The following PCDHGA7 variants were observed in gnomAD, a reference collection of about 807,000 sequenced individuals.
PCDHGA7 encodes the protein protocadherin gamma-A7.
Under a neutral mutation model 58.3 loss-of-function variants are expected in PCDHGA7, and 44 were observed. The observed-to-expected ratio is 0.75, with a 90% CI of 0.59 to 0.97. The LOEUF (loss-of-function observed/expected upper bound fraction) is 0.97, where lower values mean the gene tolerates loss of function less well. PCDHGA7 is among the 50% of genes least tolerant of loss of function. The pLI, the probability that PCDHGA7 is intolerant of heterozygous loss-of-function variation, is 0.00. For missense variants in PCDHGA7, 1,266 were observed against 1,188.7 expected, an observed-to-expected ratio of 1.06 and a Z score of -0.96; for synonymous variants, 516 against 504.2, an observed-to-expected ratio of 1.02 and a Z score of -0.31.
intron 1 of PCDHGA7, chr5:141,414,780 G>A (rs2095787223): frequency 1.2e-6 from 2 of 1,614,232 alleles, no homozygotes; most frequent in Non-Finnish European, 1.7e-6. Context: ...TACAGATGCA[G>A]GTGACAGCCA....
chr5:141,478,116 C>T (rs145816520), intron 1 of PCDHGA7: 1 of 1,613,974 alleles, frequency 6.2e-7, no homozygotes, highest in Non-Finnish European at 8.5e-7. Flanking sequence ...GTGTCAGTAA[C>T]CGAGGACTCT....
chr5:141,429,638 A>G (rs2097231013), intron 1 of PCDHGA7, among the ~76,000 whole-genome samples: 1 of 152,238 alleles, frequency 6.6e-6, no homozygotes, highest in African/African-American at 2.4e-5. Flanking sequence ...ACAGCTACCT[A>G]TATATTTCTT....
At chr5:141,500,188 ATT>A (rs2099797463) in intron 2 of PCDHGA7, among the ~76,000 whole-genome samples, 1 of 98,146 alleles carries the variant, frequency 1.0e-5, no homozygotes, top group African/African-American at 5.1e-5. Flanking sequence ...TTTTATTTTT[ATT>A]TATTTATTTA....
chr5:141,419,980 G>T lies in PCDHGA7; in HGVS notation c.2424+34657G>T, dbSNP rs182372807. 1.1e-4 allele frequency: 180 copies of T among 1,614,080 alleles called. No individual in the cohort carries two copies. The East Asian group carries it at 1.1e-3, about 10-fold the overall frequency. On this transcript the variant is annotated intron_variant, in intron 1 of 3. Transcript: ENST00000518325. ...TTTCTGTGCTCTTTCTCCTCGCGGTGATTCTAGCTATTGCTCTACGCCTGC... is the reference window on the plus strand; with the variant it reads ...TTTCTGTGCTCTTTCTCCTCGCGGTTATTCTAGCTATTGCTCTACGCCTGC...
At chr5:141,404,072 C>T (rs779657331) in intron 1 of PCDHGA7, 1 of 1,613,626 alleles carries the variant, frequency 6.2e-7, no homozygotes, top group Non-Finnish European at 8.5e-7. Flanking sequence ...TGCTCATGAC[C>T]GAGACTCCGG....
At chr5:141,480,763 A>G (rs541754723) in intron 1 of PCDHGA7, among the ~76,000 whole-genome samples, 1 of 152,308 alleles carries the variant, frequency 6.6e-6, no homozygotes, top group East Asian at 1.9e-4. Flanking sequence ...GAAGGTCCCC[A>G]CTTGATCCTA....
intron 1 of PCDHGA7, chr5:141,419,779 G>A (rs1439735185): frequency 1.2e-6 from 2 of 1,614,064 alleles, no homozygotes; most frequent in Non-Finnish European, 8.5e-7. Flanking sequence ...CGGTCCGCCA[G>A]CGCCTGCTAG....
At chr5:141,389,832 C>A in intron 1 of PCDHGA7, 3 of 1,613,966 alleles carry the variant, frequency 1.9e-6, no homozygotes, top group Non-Finnish European at 2.5e-6. Flanking sequence ...CGGTGGACAG[C>A]CACCACTCTC....
At chr5:141,455,239 G>A (rs1034181635) in intron 1 of PCDHGA7, among the ~76,000 whole-genome samples, 1 of 151,898 alleles carries the variant, frequency 6.6e-6, no homozygotes, top group African/African-American at 2.4e-5. Context: ...AAATGTTAAA[G>A]GTCATAGTAC....
chr5:141,390,518 T>C (rs1045172175), intron 1 of PCDHGA7: 28 of 570,804 alleles, frequency 4.9e-5, no homozygotes, highest in Middle Eastern at 4.8e-4. Context: ...TATAAAGCAA[T>C]GAGGGTGTGG....
Position 141,420,141 on chromosome 5 carries a change from T to C in PCDHGA7, c.2424+34818T>C, listed in dbSNP as rs556066866. 9.9e-6 allele frequency: 16 copies of C among 1,614,040 alleles called. No homozygotes were observed. The East Asian group carries it at 3.3e-4, about 34-fold the overall frequency. On this transcript the variant is annotated intron_variant, in intron 1 of 3. Coordinates refer to ENST00000518325, the MANE Select transcript of PCDHGA7 (RefSeq NM_018920.4). ...AATTTTTGTGTGCCTGGGGATCAAA[T>C]GAATCCAGAATTTAATTTTTTCACA... is the stretch of plus-strand genomic sequence containing the variant.
chr5:141,420,036 G>C, intron 1 of PCDHGA7: 1 of 1,614,078 alleles, frequency 6.2e-7, no homozygotes. Context: ...GCAGGAGACT[G>C]CTTTGAGTCA....
intron 1 of PCDHGA7, among the ~76,000 whole-genome samples, chr5:141,467,116 A>T (rs981562543): frequency 2.0e-5 from 3 of 150,560 alleles, no homozygotes; most frequent in Non-Finnish European, 4.4e-5. Flanking sequence ...ACAATGGTGC[A>T]ATCTCAGCTC....
intron 1 of PCDHGA7, chr5:141,399,813 G>A (rs985564503): frequency 6.2e-7 from 1 of 1,613,198 alleles, no homozygotes; most frequent in Non-Finnish European, 8.5e-7. Context: ...TGTACCCCGC[G>A]CTGGGTCCCG....
Position 141,486,859 on chromosome 5 carries a change from T to C in PCDHGA7, c.2425-7948T>C, listed in dbSNP as rs1231188225. ...TTGTGCTGGACCTCAATGACAATGC[T>C]CCAGCTGTGCTCCGTCCTCGGGCCC... On this transcript the variant is annotated intron_variant, in intron 1 of 3. Transcript: ENST00000518325. The surrounding 1 kb of genome is among the most constrained non-coding windows in gnomAD (Gnocchi z 5.0). The C allele has an allele frequency of 1.9e-6, 3 of 1,614,242 alleles. No individual in the cohort carries two copies. The highest frequency in any genetic ancestry group is 2.7e-5 in the African/African-American group (2 of 75,072).
At position 141,383,361 on chromosome 5, in the gene PCDHGA7, A is replaced by C; in HGVS notation, c.462A>C (p.Leu154Phe). ...CAGCTCCTGGGGTTCGGTTTCCGTT[A>C]AGCGAGGCTGGGGATCCAGATGTGG... ...ENTAPGVRFP[L>F]SEAGDPDVGT... is the part of the protein sequence containing the mutation. Residue 154 changes from leucine to phenylalanine, a missense_variant, in exon 1 of 4, where the codon TTA (leucine) becomes TTC (phenylalanine). By Grantham distance (22) the Leu-to-Phe change is conservative (BLOSUM62 0). Transcript: ENST00000518325. The C allele has an allele frequency of 6.2e-7, 1 of 1,614,022 alleles. No homozygotes were observed. Among genetic ancestry groups the C allele is most frequent in the Non-Finnish European group, 8.5e-7 (1 of 1,179,904 alleles).
Position 141,486,674 on chromosome 5 carries a change from G to A in PCDHGA7, c.2425-8133G>A. On this transcript the variant is annotated intron_variant, in intron 1 of 3. Transcript: ENST00000518325. This position sits in a 1 kb window ranked among gnomAD's most constrained non-coding sequence, Gnocchi z 5.0. ...CTCACTCCTGGAGCCCAGGAATCGA[G>A]ATGTATCAGCTTCCTCTTTCATCTC... The A allele has an allele frequency of 1.9e-6, 3 of 1,614,080 alleles. No individual in the cohort carries two copies. Among genetic ancestry groups the A allele is most frequent in the Non-Finnish European group, 2.5e-6 (3 of 1,180,036 alleles).
At chr5:141,429,597 G>A (rs937301997) in intron 1 of PCDHGA7, among the ~76,000 whole-genome samples, 2 of 152,094 alleles carry the variant, frequency 1.3e-5, no homozygotes, top group Non-Finnish European at 2.9e-5. Flanking sequence ...TGTAATTCAA[G>A]TAAACTCAAT....
intron 1 of PCDHGA7, chr5:141,415,367 CT>C (rs2095859649): frequency 6.2e-7 from 1 of 1,614,118 alleles, no homozygotes; most frequent in African/African-American, 1.3e-5. Flanking sequence ...CTGCTGCAGG[CT>C]TCAGGAGGCG....
Sources: gnomAD v4.1 joint callset for allele counts (sites outside exome capture counted in the v4.1 genomes callset) on GRCh38, gnomAD v4.1.1 for gene constraint, Gnocchi (gnomAD v3.1) non-coding constraint, MANE v1.5 for transcripts, NCBI Gene and HGNC (gene_info 2026-07-23, HGNC 2026-07-21) for gene names.